KYNU: variants seen among roughly 807,000 people sequenced by gnomAD.
The protein encoded by KYNU is L-kynurenine hydrolase.
Under a neutral mutation model 59.2 loss-of-function variants are expected in KYNU, and 54 were observed. The ratio of observed to expected loss-of-function variants is 0.91; its 90% confidence interval spans 0.73 to 1.14. The LOEUF (loss-of-function observed/expected upper bound fraction) is 1.14, where lower values mean the gene tolerates loss of function less well. KYNU is among the 50% of genes most tolerant of loss of function. KYNU has a pLI of 0.00. For missense variants in KYNU, 567 were observed against 554.4 expected, an observed-to-expected ratio of 1.02 and a Z score of -0.23; for synonymous variants, 177 against 192.0, an observed-to-expected ratio of 0.92 and a Z score of 0.65.
Position 143,013,621 on chromosome 2 carries a change from C to T in KYNU, c.903-16006C>T, listed in dbSNP as rs567633589. On this transcript the variant is annotated intron_variant, in intron 10 of 13. Coordinates refer to ENST00000264170, the MANE Select transcript of KYNU (RefSeq NM_003937.3). ...TGTTTTTGTCTATCTGAATTTAATT[C>T]TATCCTGAACCCACATCTGTTTCTT... 3.3e-5 allele frequency among the ~76,000 whole-genome samples: 5 copies of T among 152,304 alleles called. No homozygotes were observed. The South Asian group carries it at 1.0e-3, about 32-fold the overall frequency.
chr2:142,925,298 T>A (rs1250132478), intron 3 of KYNU, among the ~76,000 whole-genome samples: 2 of 152,148 alleles, frequency 1.3e-5, no homozygotes, highest in Non-Finnish European at 2.9e-5. Flanking sequence ...CAAATAATAA[T>A]AACTAACAAT....
intron 10 of KYNU, among the ~76,000 whole-genome samples, chr2:143,024,481 G>A (rs950202208): frequency 6.6e-6 from 1 of 151,962 alleles, no homozygotes; most frequent in Non-Finnish European, 1.5e-5. Flanking sequence ...ATCAATACCA[G>A]TAAAACTTAT....
intron 2 of KYNU, among the ~76,000 whole-genome samples, chr2:142,914,234 C>T (rs1682598991): frequency 6.6e-6 from 1 of 152,224 alleles, no homozygotes; most frequent in African/African-American, 2.4e-5. Context: ...CAACCCTTTC[C>T]TGACTTAGGG....
intron 6 of KYNU, among the ~76,000 whole-genome samples, chr2:142,956,541 A>C (rs752125314): frequency 1.2e-4 from 18 of 152,224 alleles, no homozygotes; most frequent in Non-Finnish European, 2.1e-4. Context: ...ACTGCTCTAA[A>C]TCAAGTGCAG....
intron 12 of KYNU, among the ~76,000 whole-genome samples, chr2:143,039,960 T>C (rs1686986408): frequency 6.6e-6 from 1 of 152,164 alleles, no homozygotes. Flanking sequence ...ATGGGTCCTG[T>C]TAAGAATTCC....
At position 142,956,264 on chromosome 2, in the gene KYNU, C is replaced by T; in HGVS notation, c.497C>T (p.Pro166Leu). ...YKILLEAKAF[P>L]SDHYAIESQL... ...ATTCTTCTAGAAGCCAAAGCCTTCC[C>T]TTCTGATCATGTAAGGACTTCTTCA... is the stretch of plus-strand genomic sequence containing the variant. Residue 166 changes from proline (P) to leucine (L), a missense_variant, in exon 6 of 14, where the codon CCT (proline) becomes CTT (leucine). Pro to Leu is a moderately conservative substitution (Grantham distance 98, BLOSUM62 -3). Transcript: ENST00000264170. The T allele has an allele frequency of 6.3e-7, 1 of 1,597,158 alleles. No individual in the cohort carries two copies. The highest frequency in any genetic ancestry group is 8.6e-7 in the Non-Finnish European group (1 of 1,165,208).
intron 4 of KYNU, among the ~76,000 whole-genome samples, chr2:142,929,386 A>T (rs974654146): frequency 6.7e-5 from 10 of 148,644 alleles, no homozygotes; most frequent in Non-Finnish European, 1.3e-4. Flanking sequence ...AAAAAAAAGT[A>T]AACCAAATCC....
intron 8 of KYNU, among the ~76,000 whole-genome samples, chr2:142,978,629 C>T (rs2105143020): frequency 6.6e-6 from 1 of 152,306 alleles, no homozygotes; most frequent in East Asian, 1.9e-4. Flanking sequence ...TATTCGCAGA[C>T]ACCTCTCATG....
At chr2:142,939,723 A>G (rs574033192) in intron 4 of KYNU, among the ~76,000 whole-genome samples, 11 of 152,270 alleles carry the variant, frequency 7.2e-5, no homozygotes, top group Non-Finnish European at 5.9e-5. Context: ...TAACAAACAT[A>G]TAGCAACAGT....
chr2:143,049,029 T>G lies in KYNU; in HGVS notation c.*6857T>G, dbSNP rs1687216551. The G allele has an allele frequency of 2.0e-5, 3 of 152,210 alleles. No homozygotes were observed. The highest frequency in any genetic ancestry group is 1.5e-5 in the Non-Finnish European group (1 of 68,032). The allele number at this position is 152,210 out of a possible 1,614,324, so 9.4% of individuals were successfully genotyped here. On this transcript the variant is annotated 3_prime_UTR_variant, in exon 14 of 14. Transcript: ENST00000264170. ...TTCTTTATTTGCTGTCTATCCAAGA[T>G]TTGAGGATTAATTTTTTAATTTCTA...
Position 143,023,098 on chromosome 2 carries a change from A to T in KYNU, c.903-6529A>T, listed in dbSNP as rs548535163. Among the ~76,000 whole-genome samples the T allele has an allele frequency of 5.3e-5, 8 of 152,022 alleles. No individual in the cohort carries two copies. The South Asian group carries it at 1.7e-3, about 32-fold the overall frequency. On this transcript the variant is annotated intron_variant, in intron 10 of 13. Transcript: ENST00000264170. The stretch of plus-strand genomic sequence containing the variant: ...CTTTCTAATTTTAAAATTGATCTAC[A>T]GTTTAAAGCTATGAATTGTTCTCTC...
At chr2:142,951,603 A>G (rs1230260233) in intron 4 of KYNU, among the ~76,000 whole-genome samples, 1 of 152,238 alleles carries the variant, frequency 6.6e-6, no homozygotes, top group African/African-American at 2.4e-5. Context: ...TGTTAAGAAC[A>G]CTAAATTCTT....
At chr2:142,941,019 T>G (rs1683581268) in intron 4 of KYNU, among the ~76,000 whole-genome samples, 1 of 152,196 alleles carries the variant, frequency 6.6e-6, no homozygotes, top group Non-Finnish European at 1.5e-5. Flanking sequence ...TCTTGGTACT[T>G]AAATGTGTTC....
intron 10 of KYNU, among the ~76,000 whole-genome samples, chr2:143,026,600 A>T (rs1315512100): frequency 1.3e-5 from 2 of 152,230 alleles, no homozygotes; most frequent in African/African-American, 4.8e-5. Flanking sequence ...CGCACAGGTG[A>T]GCAGGTGTAG....
chr2:142,896,307 GT>G (rs1681876047), intron 2 of KYNU, among the ~76,000 whole-genome samples: 1 of 152,090 alleles, frequency 6.6e-6, no homozygotes. Flanking sequence ...GGTATTACCA[GT>G]TTTTTGTTGT....
chr2:143,006,197 A>G (rs933810714), intron 10 of KYNU, among the ~76,000 whole-genome samples: 4 of 152,114 alleles, frequency 2.6e-5, no homozygotes, highest in African/African-American at 9.6e-5. Flanking sequence ...CAGTGGGTGC[A>G]CGCACCGTGC....
chr2:142,919,273 T>G (rs1682785377), intron 3 of KYNU, among the ~76,000 whole-genome samples: 1 of 152,190 alleles, frequency 6.6e-6, no homozygotes, highest in Non-Finnish European at 1.5e-5. Flanking sequence ...ACTTTTACAA[T>G]ATTTAAACGT....
chr2:142,960,675 G>A lies in KYNU; in HGVS notation c.634G>A (p.Gly212Arg). 3 of 1,613,078 alleles carry A rather than the reference G, an allele frequency of 1.9e-6. No homozygotes were observed. The highest frequency in any genetic ancestry group is 2.5e-6 in the Non-Finnish European group (3 of 1,179,140). ...EDILEVIEKE[G>R]DSIAVILFSG... ...TATCCTTGAAGTAATTGAGAAGGAA[G>A]GAGACTCAATTGCAGTGATCCTGTT... Residue 212 changes from glycine (G) to arginine (R), a missense_variant, in exon 8 of 14, where the codon GGA (glycine) becomes AGA (arginine). Transcript: ENST00000264170.
At chr2:142,939,477 C>G (rs149185818) in intron 4 of KYNU, among the ~76,000 whole-genome samples, 1 of 151,604 alleles carries the variant, frequency 6.6e-6, no homozygotes, top group Non-Finnish European at 1.5e-5. Flanking sequence ...TGGCACGTGT[C>G]TGAAATCCCA....
Sources: allele counts gnomAD v4.1 joint callset (sites outside exome capture counted in the v4.1 genomes callset), GRCh38; gene constraint gnomAD v4.1.1; transcripts MANE v1.5; gene names NCBI Gene and HGNC (gene_info 2026-07-23, HGNC 2026-07-21).